Variants in PRORP observed in about 807,000 individuals in gnomAD.
PRORP encodes protein only RNase P catalytic subunit.
PRORP carries 51 observed loss-of-function variants against 59.4 expected under a neutral mutation model. The ratio of observed to expected loss-of-function variants is 0.86; its 90% CI spans 0.69 to 1.08. The LOEUF (loss-of-function observed/expected upper bound fraction) is 1.08, where lower values mean the gene tolerates loss of function less well. PRORP is among the 50% of genes least tolerant of loss of function. The pLI is 0.00. For synonymous variants in PRORP, 231 were observed against 245.6 expected (o/e 0.94, Z 0.55); for missense variants, 646 against 690.3 (o/e 0.94, Z 0.72).
intron 5 of PRORP, among the ~76,000 whole-genome samples, chr14:35,255,179 G>A (rs2138606894): frequency 6.6e-6 from 1 of 152,314 alleles, no homozygotes; most frequent in Non-Finnish European, 1.5e-5. Flanking sequence ...CCAGGCTGGA[G>A]TGCAGTGGCG....
intron 5 of PRORP, among the ~76,000 whole-genome samples, chr14:35,199,526 G>A (rs949764344): frequency 3.3e-5 from 5 of 152,080 alleles, no homozygotes; most frequent in African/African-American, 7.2e-5. Context: ...GAGGGAGTGA[G>A]TTCAGCTCTT....
chr14:35,242,804 G>A (rs2050399020), intron 5 of PRORP, among the ~76,000 whole-genome samples: 2 of 152,198 alleles, frequency 1.3e-5, no homozygotes, highest in African/African-American at 4.8e-5. Flanking sequence ...TTACAATCCA[G>A]TGATCACTCC....
intron 5 of PRORP, among the ~76,000 whole-genome samples, chr14:35,223,779 TAC>T (rs2049860193): frequency 6.6e-6 from 1 of 152,208 alleles, no homozygotes; most frequent in Non-Finnish European, 1.5e-5. Flanking sequence ...CTTCTAAGTG[TAC>T]ATTGTTCAGA....
chr14:35,206,450 C>G (rs1196271876), intron 5 of PRORP, among the ~76,000 whole-genome samples: 1 of 152,176 alleles, frequency 6.6e-6, no homozygotes, highest in Non-Finnish European at 1.5e-5. Context: ...TCACTGTTTA[C>G]TGGCTGGGAC....
chr14:35,264,382 A>C (rs1293995095), intron 5 of PRORP, among the ~76,000 whole-genome samples: 1 of 151,638 alleles, frequency 6.6e-6, no homozygotes, highest in Non-Finnish European at 1.5e-5. Flanking sequence ...TTGGCCTCCC[A>C]AGGTGCTGGG....
intron 4 of PRORP, among the ~76,000 whole-genome samples, chr14:35,159,804 G>T (rs1430055298): frequency 2.0e-5 from 3 of 152,222 alleles, no homozygotes; most frequent in African/African-American, 7.2e-5. Context: ...CACAGGTTAA[G>T]TGATGAAGTC....
Position 35,129,562 on chromosome 14 carries a change from C to T in PRORP, c.1167+1951C>T, listed in dbSNP as rs189613655. Among the ~76,000 whole-genome samples the T allele has an allele frequency of 3.9e-4, 59 of 151,920 alleles. 1 individual carries two copies. Among genetic ancestry groups the T allele is most frequent in the Non-Finnish European group, 8.8e-5 (6 of 67,960 alleles). On this transcript the variant is annotated intron_variant, in intron 4 of 7. Coordinates refer to ENST00000534898, the MANE Select transcript of PRORP (RefSeq NM_014672.4). ...CGATCTTGGCTCGCTGCATCCTCCA[C>T]CTCCTGGGTTCAGGAGATTCTCCTG...
At chr14:35,130,570 C>T (rs893124078) in intron 4 of PRORP, among the ~76,000 whole-genome samples, 2 of 151,734 alleles carry the variant, frequency 1.3e-5, no homozygotes, top group African/African-American at 2.4e-5. Context: ...CAACCTCCGC[C>T]CCCACTGGGT....
At position 35,130,504 on chromosome 14, in the gene PRORP, T is replaced by C. The variant is rs181554650; in HGVS notation, c.1167+2893T>C. On this transcript the variant is annotated intron_variant, in intron 4 of 7. Coordinates refer to ENST00000534898, the MANE Select transcript of PRORP (RefSeq NM_014672.4). Reference sequence around the variant, plus strand: ...CTTTTCTTTTTTTTTTTCATTGAGATGGAGTCTCACTCTGTCGCCCAGGTT... The same window carrying C: ...CTTTTCTTTTTTTTTTTCATTGAGACGGAGTCTCACTCTGTCGCCCAGGTT... Among the ~76,000 whole-genome samples, 5 of 151,342 alleles carry C rather than the reference T, an allele frequency of 3.3e-5. No homozygotes were observed. The East Asian group carries it at 9.7e-4, about 30-fold the overall frequency.
intron 5 of PRORP, among the ~76,000 whole-genome samples, chr14:35,210,273 G>A (rs8005078): frequency 0.81 from 123,817 of 152,122 alleles, 50,421 homozygotes; most frequent in Admixed American, 0.85. Flanking sequence ...TCAGTCCCCA[G>A]TAATTACTTG....
chr14:35,191,322 CA>C (rs2048878487), intron 5 of PRORP, among the ~76,000 whole-genome samples: 1 of 152,186 alleles, frequency 6.6e-6, no homozygotes, highest in African/African-American at 2.4e-5. Flanking sequence ...TACCTTCTGC[CA>C]TGATTGTGAG....
At chr14:35,190,649 G>C (rs2048859978) in intron 5 of PRORP, among the ~76,000 whole-genome samples, 1 of 151,998 alleles carries the variant, frequency 6.6e-6, no homozygotes, top group South Asian at 2.1e-4. Context: ...GGGATTACAG[G>C]CACGTGCCAC....
intron 4 of PRORP, among the ~76,000 whole-genome samples, chr14:35,160,101 T>A (rs1202167519): frequency 6.6e-6 from 1 of 152,212 alleles, no homozygotes; most frequent in Non-Finnish European, 1.5e-5. Context: ...ATCTTCCAGT[T>A]GTACGTTGCT....
chr14:35,273,309 T>G, intron 7 of PRORP, 126 bp from the exon 8 acceptor site: 1 of 882,068 alleles, frequency 1.1e-6, no homozygotes. Flanking sequence ...TGAAAATCCA[T>G]TATTAAGTGA....
In PRORP at chr14:35,165,110, C is replaced by T. The variant is rs1209499108; in HGVS notation, c.1168-15560C>T. Among the ~76,000 whole-genome samples, 5 of 152,294 alleles carry T rather than the reference C, an allele frequency of 3.3e-5. No individual in the cohort carries two copies. In the East Asian group the frequency reaches 5.8e-4, roughly 18 times the overall value. On this transcript the variant is annotated intron_variant, in intron 4 of 7. Coordinates refer to ENST00000534898, the MANE Select transcript of PRORP (RefSeq NM_014672.4). ...TGCATGTGCCAAGAGGTTTAGGCCC[C>T]GTGTGTAAACTACTCCATGATCCTT...
In PRORP at chr14:35,203,030, GTGTTAA is replaced by G. The variant is rs533209026; in HGVS notation, c.1275+22254_1275+22259del. On this transcript the variant is annotated intron_variant, in intron 5 of 7. Coordinates refer to ENST00000534898, the MANE Select transcript of PRORP (RefSeq NM_014672.4). ...GTTTTTGATATTATGTATTTGTGTA[GTGTTAA>G]ATTTTTTTAATAAGAAGGTTTTTTT... Among the ~76,000 whole-genome samples, 396 of 152,278 alleles carry G rather than the reference GTGTTAA, an allele frequency of 2.6e-3. 3 individuals are homozygous for G. Among genetic ancestry groups the G allele is most frequent in the African/African-American group, 8.2e-3 (339 of 41,550 alleles).
intron 4 of PRORP, among the ~76,000 whole-genome samples, chr14:35,136,361 C>T (rs35468265): frequency 0.23 from 29,134 of 125,502 alleles, 3,354 homozygotes; most frequent in Middle Eastern, 0.35. Context: ...TATCCGACAA[C>T]GGGTTTTTTT....
chr14:35,137,298 T>A (rs2047397546), intron 4 of PRORP, among the ~76,000 whole-genome samples: 1 of 144,808 alleles, frequency 6.9e-6, no homozygotes, highest in South Asian at 2.3e-4. Context: ...ATACAGGATA[T>A]GTAGGAGAGA....
At chr14:35,152,495 C>G (rs1255190606) in intron 4 of PRORP, among the ~76,000 whole-genome samples, 2 of 152,172 alleles carry the variant, frequency 1.3e-5, no homozygotes, top group Non-Finnish European at 2.9e-5. Context: ...CCTCACTTCC[C>G]AGAAGGGGCG....
Sources: gnomAD v4.1 joint callset for allele counts (sites outside exome capture counted in the v4.1 genomes callset) on GRCh38, gnomAD v4.1.1 for gene constraint, MANE v1.5 for transcripts, NCBI Gene and HGNC (gene_info 2026-07-23, HGNC 2026-07-21) for gene names.